EIF3H: variants seen among roughly 807,000 people sequenced by gnomAD.
EIF3H encodes the protein eukaryotic translation initiation factor 3 subunit H.
EIF3H carries 26 observed loss-of-function variants against 44.2 expected under a neutral mutation model. That is an observed-to-expected ratio of 0.59 (90% CI 0.43 to 0.82). The LOEUF is 0.82. Ranked by LOEUF, EIF3H falls within the 40% of genes least tolerant of loss-of-function variation. The pLI is 0.00. For synonymous variants in EIF3H, 166 were observed against 151.9 expected (o/e 1.09, Z -0.68); for missense variants, 359 against 432.8 (o/e 0.83, Z 1.51).
At chr8:116,705,351 CA>C (rs989193482) in intron 2 of EIF3H, among the ~76,000 whole-genome samples, 5 of 152,126 alleles carry the variant, frequency 3.3e-5, no homozygotes, top group African/African-American at 1.2e-4. Context: ...ATTTCTTAAC[CA>C]AAAGATTCAT....
intron 2 of EIF3H, among the ~76,000 whole-genome samples, chr8:116,681,372 T>C (rs1813986370): frequency 6.8e-6 from 1 of 146,464 alleles, no homozygotes; most frequent in African/African-American, 2.6e-5. Context: ...AAAGAAAAGG[T>C]ACAAACACTC....
At chr8:116,645,165 G>T in intron 7 of EIF3H, 62 bp from the exon 8 acceptor site, 1 of 1,321,270 alleles carries the variant, frequency 7.6e-7, no homozygotes, top group Non-Finnish European at 1.1e-6. Flanking sequence ...GATCCAGAAA[G>T]CTAGTCAAAC....
intron 1 of EIF3H, among the ~76,000 whole-genome samples, chr8:116,734,565 T>G (rs944767271): frequency 6.6e-6 from 1 of 152,064 alleles, no homozygotes; most frequent in Non-Finnish European, 1.5e-5. Flanking sequence ...CAGAAAGTTG[T>G]TTGTTTTTGA....
At chr8:116,726,375 T>G (rs1412005446) in intron 1 of EIF3H, among the ~76,000 whole-genome samples, 1 of 152,162 alleles carries the variant, frequency 6.6e-6, no homozygotes, top group East Asian at 1.9e-4. Context: ...GATCTGAAAC[T>G]CCAGGAGTTT....
chr8:116,714,100 T>C (rs936927990), intron 2 of EIF3H, among the ~76,000 whole-genome samples: 1 of 152,112 alleles, frequency 6.6e-6, no homozygotes, highest in Non-Finnish European at 1.5e-5. Context: ...TGAAAAGTAT[T>C]TTCAAGGAAT....
At chr8:116,652,778 A>C (rs1232567537) in intron 5 of EIF3H, among the ~76,000 whole-genome samples, 3 of 152,124 alleles carry the variant, frequency 2.0e-5, no homozygotes, top group African/African-American at 7.2e-5. Flanking sequence ...TTGAAAAAAA[A>C]AAACTAGTAT....
chr8:116,689,165 T>G (rs1291909564), intron 2 of EIF3H: 1 of 429,142 alleles, frequency 2.3e-6, no homozygotes, highest in Non-Finnish European at 4.7e-6. Flanking sequence ...TTTAGTGAAA[T>G]AAGTCAGAGA....
At chr8:116,665,868 C>T (rs1173576374) in intron 2 of EIF3H, among the ~76,000 whole-genome samples, 2 of 152,164 alleles carry the variant, frequency 1.3e-5, no homozygotes, top group African/African-American at 4.8e-5. Flanking sequence ...TAGACTTAGG[C>T]AAACAGAATG....
At chr8:116,649,445 G>A (rs954428307) in intron 5 of EIF3H, among the ~76,000 whole-genome samples, 5 of 152,054 alleles carry the variant, frequency 3.3e-5, no homozygotes, top group African/African-American at 1.2e-4. Flanking sequence ...CCTAGAATCT[G>A]TAGTACAGTC....
chr8:116,651,401 G>A (rs1055098256), intron 5 of EIF3H, among the ~76,000 whole-genome samples: 1 of 152,200 alleles, frequency 6.6e-6, no homozygotes, highest in Non-Finnish European at 1.5e-5. Context: ...AAGGAAACAG[G>A]TTGGGAATAT....
chr8:116,698,184 G>GTT (rs79540530), intron 2 of EIF3H, among the ~76,000 whole-genome samples: 1 of 149,286 alleles, frequency 6.7e-6, no homozygotes, highest in East Asian at 2.0e-4. Flanking sequence ...TATAAAAGCA[G>GTT]TTTTTTTTTT....
intron 7 of EIF3H, among the ~76,000 whole-genome samples, chr8:116,646,169 G>C (rs886164854): frequency 2.6e-5 from 4 of 152,182 alleles, no homozygotes; most frequent in Non-Finnish European, 4.4e-5. Context: ...GTGGTCTTCT[G>C]CATTAAGACT....
intron 2 of EIF3H, among the ~76,000 whole-genome samples, chr8:116,665,791 C>T (rs1813655653): frequency 6.6e-6 from 1 of 152,204 alleles, no homozygotes; most frequent in African/African-American, 2.4e-5. Context: ...GTGCTTTCCT[C>T]TTCATATCAG....
At chr8:116,686,842 T>C (rs1300545826) in intron 2 of EIF3H, among the ~76,000 whole-genome samples, 1 of 152,096 alleles carries the variant, frequency 6.6e-6, no homozygotes, top group Non-Finnish European at 1.5e-5. Flanking sequence ...AGGAAACCAC[T>C]GTGCAAAGGG....
intron 1 of EIF3H, among the ~76,000 whole-genome samples, chr8:116,752,711 AG>A (rs1318299345): frequency 1.5e-5 from 2 of 137,842 alleles, no homozygotes. Context: ...AAAGAAAGAA[AG>A]AAAGAAAGAA....
intron 1 of EIF3H, among the ~76,000 whole-genome samples, chr8:116,743,794 ATATAAACACACACAC>A (rs1815177134): frequency 1.3e-4 from 12 of 91,772 alleles, no homozygotes; most frequent in East Asian, 5.3e-4. Flanking sequence ...ATATATATAT[ATATAAACACACACAC>A]ACACACACAC....
At chr8:116,760,674 A>C (rs983434012), upstream of EIF3H, among the ~76,000 whole-genome samples, 1 of 152,196 alleles carries the variant, frequency 6.6e-6, no homozygotes, top group Non-Finnish European at 1.5e-5. Context: ...TGTAATTAAT[A>C]CTTCATATTG....
chr8:116,757,752 C>G (rs1380754328), upstream of EIF3H, among the ~76,000 whole-genome samples: 1 of 149,298 alleles, frequency 6.7e-6, no homozygotes, highest in African/African-American at 2.5e-5. Flanking sequence ...GACAGAGTCT[C>G]CCTGTGTCAC....
At chr8:116,758,337 A>G (rs1404516743), upstream of EIF3H, among the ~76,000 whole-genome samples, 2 of 152,240 alleles carry the variant, frequency 1.3e-5, no homozygotes. Context: ...GTATGCCCCA[A>G]CAGAAATCAG....
Sources: allele counts gnomAD v4.1 joint callset (sites outside exome capture counted in the v4.1 genomes callset), GRCh38; gene constraint gnomAD v4.1.1; transcripts MANE v1.5; gene names NCBI Gene and HGNC (gene_info 2026-07-23, HGNC 2026-07-21).